Variants in SLC5A4 observed in about 807,000 individuals in gnomAD.
The protein encoded by SLC5A4 is probable glucose sensor protein SLC5A4.
Under a neutral mutation model 70.3 loss-of-function variants are expected in SLC5A4, and 55 were observed. The observed-to-expected ratio is 0.78, with a 90% CI of 0.63 to 0.98. The LOEUF (loss-of-function observed/expected upper bound fraction) is 0.98, where lower values mean the gene tolerates loss of function less well. Among genes scored for constraint, SLC5A4 ranks in the 50% least tolerant of loss-of-function variants. The pLI is 0.00. For missense variants in SLC5A4, 735 were observed against 839.2 expected (o/e 0.88, Z 1.53); for synonymous variants, 268 against 305.7 (o/e 0.88, Z 1.29).
chr22:32,328,694 CCTGA>C, the SLC5A4 span, among the ~76,000 whole-genome samples: 2 of 152,172 alleles, frequency 1.3e-5, no homozygotes, highest in Non-Finnish European at 2.9e-5. Flanking sequence ...AAAGCCACAC[CCTGA>C]CTTACACCTT....
chr22:32,290,363 G>A, the SLC5A4 span, among the ~76,000 whole-genome samples: 1 of 152,014 alleles, frequency 6.6e-6, no homozygotes, highest in African/African-American at 2.4e-5. Context: ...TCCTGTGTTA[G>A]TTTGTTTGCT....
At chr22:32,255,092 T>A in intron 1 of SLC5A4, 103 bp downstream of exon 1, 1 of 1,053,824 alleles carries the variant, frequency 9.5e-7, no homozygotes, top group Non-Finnish European at 1.4e-6. Flanking sequence ...GATAACACAA[T>A]GACATTTGTG....
In SLC5A4 at chr22:32,230,980, G is replaced by A. The variant is rs1925718669; in HGVS notation, c.1117C>T (p.Leu373=). 6.2e-7 allele frequency: 1 copy of A among 1,612,072 alleles called. No homozygotes were observed. The highest frequency in any genetic ancestry group is 8.5e-7 in the Non-Finnish European group (1 of 1,178,082). ...NYAYPTMVLE[L]MPQGLRGLML... is the part of the protein sequence containing the mutation. ...GACATTTTCCTACCTTGGGGCATCA[G>A]TTCCAGCACCATCGTGGGGTATGCG... The change falls in exon 10 of 15, where the codon CTG becomes TTG. Residue 373 remains leucine (L), a synonymous_variant. Coordinates refer to ENST00000266086, the MANE Select transcript of SLC5A4 (RefSeq NM_014227.3).
the SLC5A4 span, among the ~76,000 whole-genome samples, chr22:32,282,218 A>AC: frequency 6.6e-6 from 1 of 151,044 alleles, no homozygotes; most frequent in Non-Finnish European, 1.5e-5. Context: ...TTTCTTGAAC[A>AC]CCCCCCTCCA....
At chr22:32,248,837 TA>T (rs1348822182) in intron 3 of SLC5A4, 35 bp from the exon 4 acceptor site, 4 of 1,449,398 alleles carry the variant, frequency 2.8e-6, no homozygotes, top group Non-Finnish European at 3.9e-6. Flanking sequence ...AGTGAGACAT[TA>T]AAGAGGCTTG....
At chr22:32,222,877 T>C (rs1311897340) in intron 13 of SLC5A4, among the ~76,000 whole-genome samples, 1 of 152,192 alleles carries the variant, frequency 6.6e-6, no homozygotes, top group African/African-American at 2.4e-5. Context: ...ATAAGCAGTA[T>C]TTATATTTTA....
the SLC5A4 span, among the ~76,000 whole-genome samples, chr22:32,264,643 G>T: frequency 6.6e-6 from 1 of 152,038 alleles, no homozygotes; most frequent in African/African-American, 2.4e-5. Flanking sequence ...TCCTAAAAAA[G>T]AAATAACATT....
chr22:32,271,218 C>T, the SLC5A4 span: 1 of 783,264 alleles, frequency 1.3e-6, no homozygotes, highest in Admixed American at 2.0e-5. Context: ...GGCTGGTGTT[C>T]TTGGTGAAGA....
At chr22:32,269,487 C>T in the SLC5A4 span, 1 of 557,510 alleles carries the variant, frequency 1.8e-6, no homozygotes, top group African/African-American at 1.9e-5. This position sits in a 1 kb window ranked among gnomAD's most constrained non-coding sequence, Gnocchi z 4.1. Flanking sequence ...CCCAACCAGA[C>T]CTGGCCCGGG....
At chr22:32,253,996 G>T in intron 2 of SLC5A4, 146 bp downstream of exon 2, 1 of 726,796 alleles carries the variant, frequency 1.4e-6, no homozygotes, top group Non-Finnish European at 2.5e-6. Flanking sequence ...AGTCAGGCTG[G>T]TCTCGAACTC....
At chr22:32,319,746 T>G in the SLC5A4 span, among the ~76,000 whole-genome samples, 3 of 152,204 alleles carry the variant, frequency 2.0e-5, no homozygotes, top group Admixed American at 6.5e-5. Context: ...TGGCCACATG[T>G]TTAAAATTAT....
the SLC5A4 span, among the ~76,000 whole-genome samples, chr22:32,326,270 ATTTT>A: frequency 5.9e-5 from 8 of 135,340 alleles, no homozygotes; most frequent in African/African-American, 1.9e-4. Context: ...GCCTTCACGT[ATTTT>A]TTTTTTTTTT....
At chr22:32,228,428 G>A (rs1220195333) in intron 11 of SLC5A4, among the ~76,000 whole-genome samples, 1 of 151,700 alleles carries the variant, frequency 6.6e-6, no homozygotes, top group Non-Finnish European at 1.5e-5. Context: ...TGTAATCCCA[G>A]TTACTCAGGA....
the SLC5A4 span, among the ~76,000 whole-genome samples, chr22:32,292,228 T>G: frequency 7.2e-5 from 5 of 69,512 alleles, no homozygotes; most frequent in African/African-American, 2.2e-4. Flanking sequence ...TTATATTCTA[T>G]ATATTATATA....
the SLC5A4 span, among the ~76,000 whole-genome samples, chr22:32,293,096 G>A: frequency 6.6e-6 from 1 of 152,038 alleles, no homozygotes; most frequent in Admixed American, 6.6e-5. Flanking sequence ...CAGTTTTTCT[G>A]TTTATTGTTT....
chr22:32,250,957 G>C (rs910992670), intron 3 of SLC5A4, among the ~76,000 whole-genome samples: 3 of 151,748 alleles, frequency 2.0e-5, no homozygotes, highest in African/African-American at 7.3e-5. Flanking sequence ...GGCCTGTCAG[G>C]GGGTGAGGGG....
At chr22:32,257,659 C>CT (rs58908133), upstream of SLC5A4, among the ~76,000 whole-genome samples, 85 of 141,962 alleles carry the variant, frequency 6.0e-4, 1 homozygote, top group South Asian at 2.5e-3. Flanking sequence ...GCAAGGTTTT[C>CT]TTTTTTTTTT....
chr22:32,260,748 T>TG, the SLC5A4 span, among the ~76,000 whole-genome samples: 1 of 151,924 alleles, frequency 6.6e-6, no homozygotes, highest in Non-Finnish European at 1.5e-5. Flanking sequence ...GGAAAACGGA[T>TG]GGAGACAAAT....
the SLC5A4 span, chr22:32,270,795 C>T: frequency 1.8e-5 from 11 of 598,992 alleles, no homozygotes; most frequent in East Asian, 1.0e-4. Context: ...CCGACGGCCG[C>T]GTCACCATGT....
Sources: gnomAD v4.1 joint callset for allele counts (sites outside exome capture counted in the v4.1 genomes callset) on GRCh38, gnomAD v4.1.1 for gene constraint, Gnocchi (gnomAD v3.1) non-coding constraint, MANE v1.5 for transcripts, NCBI Gene and HGNC (gene_info 2026-07-23, HGNC 2026-07-21) for gene names.